Variants in SPAG16 observed in about 807,000 individuals in gnomAD.
The protein encoded by SPAG16 is sperm associated antigen 16, also known as sperm-associated antigen 16 protein.
A neutral mutation model predicts 80.4 loss-of-function variants in SPAG16; 86 were observed. The observed-to-expected ratio is 1.07, with a 90% CI of 0.90 to 1.28. The LOEUF (loss-of-function observed/expected upper bound fraction) is 1.28, where lower values mean the gene tolerates loss of function less well. SPAG16 is among the 50% of genes most tolerant of loss of function. The pLI is 0.00. For missense variants in SPAG16, 870 were observed against 765.3 expected (o/e 1.14, Z -1.61); for synonymous variants, 294 against 265.9 (o/e 1.11, Z -1.03).
chr2:214,356,428 C>A (rs1698808831), intron 15 of SPAG16, among the ~76,000 whole-genome samples: 1 of 151,692 alleles, frequency 6.6e-6, no homozygotes, highest in African/African-American at 2.4e-5. Flanking sequence ...ATTTATCAAT[C>A]TTCTCTCTGC....
chr2:213,884,289 T>C (rs1290703848), intron 11 of SPAG16, among the ~76,000 whole-genome samples: 1 of 152,224 alleles, frequency 6.6e-6, no homozygotes, highest in Non-Finnish European at 1.5e-5. Flanking sequence ...GAATATAAAA[T>C]TCTTGGTTGG....
chr2:213,450,855 A>G (rs2071642853), intron 9 of SPAG16, among the ~76,000 whole-genome samples: 1 of 152,190 alleles, frequency 6.6e-6, no homozygotes, highest in Non-Finnish European at 1.5e-5. Flanking sequence ...TCTCTGGAGA[A>G]TAATGTTCTG....
At chr2:213,480,266 G>A (rs2073675846) in intron 9 of SPAG16, among the ~76,000 whole-genome samples, 1 of 152,068 alleles carries the variant, frequency 6.6e-6, no homozygotes. Flanking sequence ...TATAACTTTG[G>A]GCATAAACTT....
At chr2:214,122,575 A>T (rs2054272511) in intron 14 of SPAG16, among the ~76,000 whole-genome samples, 3 of 151,932 alleles carry the variant, frequency 2.0e-5, no homozygotes, top group Non-Finnish European at 4.4e-5. Flanking sequence ...TGGCCATTTT[A>T]TATAAAGAAA....
intron 9 of SPAG16, among the ~76,000 whole-genome samples, chr2:213,437,140 C>G (rs1328452293): frequency 1.3e-5 from 2 of 152,152 alleles, no homozygotes; most frequent in African/African-American, 4.8e-5. Flanking sequence ...ACCTCGTGAT[C>G]TGCCCGTCTC....
At chr2:214,017,428 T>G (rs968667944) in intron 13 of SPAG16, among the ~76,000 whole-genome samples, 10 of 152,210 alleles carry the variant, frequency 6.6e-5, no homozygotes, top group African/African-American at 2.2e-4. Context: ...TAAATTCTAT[T>G]GACTTCAAGG....
intron 15 of SPAG16, chr2:214,239,249 G>C (rs1056031454): frequency 1.3e-5 from 2 of 152,126 alleles, no homozygotes; most frequent in African/African-American, 4.8e-5. Flanking sequence ...GCCCAGGCTG[G>C]TCACAAATTC....
intron 1 of SPAG16, among the ~76,000 whole-genome samples, chr2:213,287,992 A>G (rs1184596377): frequency 6.6e-6 from 1 of 152,118 alleles, no homozygotes; most frequent in South Asian, 2.1e-4. Flanking sequence ...TGCAACTTCA[A>G]ATTCCTGGGC....
chr2:213,301,610 C>A (rs1036620931), intron 3 of SPAG16, among the ~76,000 whole-genome samples: 4 of 151,946 alleles, frequency 2.6e-5, no homozygotes, highest in African/African-American at 9.7e-5. Flanking sequence ...TTAAAGCTAC[C>A]CTCTTTCTTT....
intron 14 of SPAG16, among the ~76,000 whole-genome samples, chr2:214,122,290 T>C (rs1391382130): frequency 1.3e-5 from 2 of 151,858 alleles, no homozygotes; most frequent in African/African-American, 4.8e-5. Context: ...GTATTTTGTT[T>C]CTTTTATATC....
intron 5 of SPAG16, among the ~76,000 whole-genome samples, chr2:213,329,786 C>T (rs555640962): frequency 1.3e-5 from 2 of 152,272 alleles, no homozygotes; most frequent in African/African-American, 2.4e-5. Context: ...GCGACAACCC[C>T]TGCCATCACA....
At chr2:213,641,304 A>G (rs1393164274) in intron 10 of SPAG16, among the ~76,000 whole-genome samples, 1 of 152,224 alleles carries the variant, frequency 6.6e-6, no homozygotes, top group Non-Finnish European at 1.5e-5. Context: ...TCAACAACAA[A>G]CAGTGCCAAG....
At chr2:214,120,439 A>G (rs951861623) in intron 14 of SPAG16, among the ~76,000 whole-genome samples, 7 of 151,408 alleles carry the variant, frequency 4.6e-5, no homozygotes, top group African/African-American at 1.7e-4. Context: ...TTCTTTTTTT[A>G]CTTTTTGATC....
chr2:214,218,449 T>TTAACA (rs1215050812), intron 15 of SPAG16, among the ~76,000 whole-genome samples: 1 of 152,130 alleles, frequency 6.6e-6, no homozygotes, highest in Non-Finnish European at 1.5e-5. Context: ...GACTTATGTT[T>TTAACA]TGCCTCCACG....
chr2:214,316,779 T>C (rs1272535669), intron 15 of SPAG16, among the ~76,000 whole-genome samples: 2 of 152,250 alleles, frequency 1.3e-5, no homozygotes, highest in East Asian at 3.9e-4. Context: ...ATCCTCATAT[T>C]CTCACCCTGA....
chr2:213,796,301 A>AT (rs2071024169), intron 10 of SPAG16, among the ~76,000 whole-genome samples: 1 of 152,160 alleles, frequency 6.6e-6, no homozygotes. Context: ...AAAAAAGTCC[A>AT]TACCTATTCT....
intron 11 of SPAG16, among the ~76,000 whole-genome samples, chr2:213,875,216 A>G (rs952566672): frequency 2.0e-5 from 3 of 151,998 alleles, no homozygotes; most frequent in African/African-American, 4.8e-5. Context: ...TACTCTAAAA[A>G]GTGTCCCAAT....
intron 15 of SPAG16, among the ~76,000 whole-genome samples, chr2:214,370,930 TC>T (rs895582450): frequency 1.6e-4 from 25 of 152,304 alleles, no homozygotes; most frequent in African/African-American, 5.8e-4. Flanking sequence ...CTCTATACTA[TC>T]CCTAAACTTC....
At chr2:213,627,975 T>C (rs950381797) in intron 10 of SPAG16, among the ~76,000 whole-genome samples, 1 of 152,344 alleles carries the variant, frequency 6.6e-6, no homozygotes, top group East Asian at 1.9e-4. Context: ...AATGTCACTA[T>C]TGAAAACCTA....
Sources: gnomAD v4.1 joint callset for allele counts (sites outside exome capture counted in the v4.1 genomes callset) on GRCh38, gnomAD v4.1.1 for gene constraint, MANE v1.5 for transcripts, NCBI Gene and HGNC (gene_info 2026-07-23, HGNC 2026-07-21) for gene names.